Variants in SGMS1 observed in about 807,000 individuals in gnomAD.
SGMS1 encodes the protein sphingomyelin synthase 1, also known as phosphatidylcholine:ceramide cholinephosphotransferase 1.
In SGMS1, 13 loss-of-function variants were observed where a neutral mutation model predicts 46.2. That is an observed-to-expected ratio of 0.28 (90% CI 0.18 to 0.45). SGMS1 has a LOEUF of 0.45. Among genes scored for constraint, SGMS1 ranks in the 20% least tolerant of loss-of-function variants. The pLI is 1.00. For missense variants in SGMS1, 324 were observed against 519.9 expected (o/e 0.62, Z 3.66); for synonymous variants, 203 against 187.8 (o/e 1.08, Z -0.66).
chr10:50,365,255 C>CAAAAGAAAAAAAAAAAAAAAAAAAAA, intron 6 of SGMS1, among the ~76,000 whole-genome samples: 1 of 45,028 alleles, frequency 2.2e-5, no homozygotes, highest in Middle Eastern at 0.021. Context: ...TCCATCTCAC[C>CAAAAGAAAAAAAAAAAAAAAAAAAAA]AAAAAAAAAA....
At chr10:50,609,741 T>C (rs774629324) in intron 1 of SGMS1, among the ~76,000 whole-genome samples, 6 of 152,134 alleles carry the variant, frequency 3.9e-5, no homozygotes, top group Admixed American at 6.5e-5. Flanking sequence ...CTTGATTATT[T>C]CTTAAAATAA....
chr10:50,567,129 T>C (rs990027084), intron 2 of SGMS1, among the ~76,000 whole-genome samples: 2 of 152,204 alleles, frequency 1.3e-5, no homozygotes, highest in African/African-American at 4.8e-5. Context: ...GTATTTTTAC[T>C]AGAGACGGGG....
At chr10:50,529,923 C>G (rs564822178) in intron 2 of SGMS1, among the ~76,000 whole-genome samples, 137 of 152,260 alleles carry the variant, frequency 9.0e-4, no homozygotes, top group Non-Finnish European at 1.6e-3. Context: ...AAATCCCACA[C>G]CATAAAAGAG....
chr10:50,470,830 C>T (rs899376833), intron 3 of SGMS1, among the ~76,000 whole-genome samples: 1 of 152,106 alleles, frequency 6.6e-6, no homozygotes, highest in Non-Finnish European at 1.5e-5. Flanking sequence ...AAAGACCATC[C>T]ATTAACTACC....
chr10:50,474,424 C>A (rs924177424), intron 3 of SGMS1, among the ~76,000 whole-genome samples: 2 of 152,040 alleles, frequency 1.3e-5, no homozygotes, highest in African/African-American at 4.8e-5. Context: ...TCTCTAAGTT[C>A]TCTTGCATGG....
chr10:50,602,512 G>A (rs531482666), intron 1 of SGMS1, among the ~76,000 whole-genome samples: 1 of 152,262 alleles, frequency 6.6e-6, no homozygotes, highest in South Asian at 2.1e-4. Flanking sequence ...GGAGAAGAAG[G>A]CTACTGGAGA....
intron 8 of SGMS1, among the ~76,000 whole-genome samples, chr10:50,317,430 T>C (rs994093819): frequency 8.5e-5 from 13 of 152,218 alleles, no homozygotes; most frequent in African/African-American, 2.7e-4. Context: ...GTTGTTACTA[T>C]GCCCATTTAA....
chr10:50,606,233 A>C (rs1002395956), intron 1 of SGMS1, among the ~76,000 whole-genome samples: 2 of 152,258 alleles, frequency 1.3e-5, no homozygotes, highest in Admixed American at 6.5e-5. Context: ...GCCAAATACT[A>C]AATAGTTCCA....
chr10:50,469,013 A>C (rs1035935977), intron 3 of SGMS1, among the ~76,000 whole-genome samples: 2 of 152,278 alleles, frequency 1.3e-5, no homozygotes, highest in Middle Eastern at 6.8e-3. Flanking sequence ...AGAATCCCCA[A>C]CTTAACCAGA....
chr10:50,406,704 C>CTTTTTTTTTT (rs11424535), intron 6 of SGMS1, among the ~76,000 whole-genome samples: 8 of 145,034 alleles, frequency 5.5e-5, no homozygotes, highest in Non-Finnish European at 7.5e-5. Context: ...AGCTATAATT[C>CTTTTTTTTTT]TTTTTTTTTT....
chr10:50,501,346 A>C (rs1837659803), intron 3 of SGMS1, among the ~76,000 whole-genome samples: 1 of 152,228 alleles, frequency 6.6e-6, no homozygotes, highest in Non-Finnish European at 1.5e-5. Flanking sequence ...GTTCACAATT[A>C]TCTAAAACTT....
intron 5 of SGMS1, among the ~76,000 whole-genome samples, chr10:50,434,846 T>C (rs1849454363): frequency 7.0e-6 from 1 of 142,124 alleles, no homozygotes; most frequent in Non-Finnish European, 1.5e-5. Flanking sequence ...ATCACGCCAC[T>C]GCACTCCAAC....
chr10:50,355,118 A>G (rs544160860), intron 6 of SGMS1, among the ~76,000 whole-genome samples: 14 of 152,368 alleles, frequency 9.2e-5, no homozygotes, highest in African/African-American at 2.9e-4. Context: ...ATTATAAGTC[A>G]TGCTGCTATA....
chr10:50,322,807 C>T (rs1362715953), intron 8 of SGMS1, among the ~76,000 whole-genome samples: 1 of 142,070 alleles, frequency 7.0e-6, no homozygotes, highest in Non-Finnish European at 1.5e-5. Flanking sequence ...AGTCCGCAGT[C>T]CGGCCTGGGC....
intron 6 of SGMS1, among the ~76,000 whole-genome samples, chr10:50,378,402 C>G (rs1176490700): frequency 6.6e-6 from 1 of 152,178 alleles, no homozygotes; most frequent in African/African-American, 2.4e-5. Context: ...AAAATTTTAA[C>G]TTTGATTGCA....
chr10:50,483,235 A>G (rs769233040), intron 3 of SGMS1, among the ~76,000 whole-genome samples: 23 of 152,204 alleles, frequency 1.5e-4, no homozygotes, highest in Non-Finnish European at 2.9e-4. Flanking sequence ...ATGCACCACC[A>G]TACTTGGCTA....
chr10:50,458,811 G>A (rs576631162), intron 5 of SGMS1, among the ~76,000 whole-genome samples: 2 of 152,134 alleles, frequency 1.3e-5, no homozygotes, highest in African/African-American at 2.4e-5. Context: ...CTAATTTAAT[G>A]AGAACATTCT....
chr10:50,385,836 T>C (rs1007512308), intron 6 of SGMS1, among the ~76,000 whole-genome samples: 8 of 152,166 alleles, frequency 5.3e-5, no homozygotes, highest in Admixed American at 4.6e-4. Flanking sequence ...CAAAAGGCAT[T>C]CATGCTTGAT....
At chr10:50,547,736 CA>C (rs1355645837) in intron 2 of SGMS1, among the ~76,000 whole-genome samples, 1 of 151,924 alleles carries the variant, frequency 6.6e-6, no homozygotes, top group African/African-American at 2.4e-5. Context: ...AGAGATACAA[CA>C]AAAAAAGAAA....
Sources: allele counts gnomAD v4.1 joint callset (sites outside exome capture counted in the v4.1 genomes callset), GRCh38; gene constraint gnomAD v4.1.1; transcripts MANE v1.5; gene names NCBI Gene and HGNC (gene_info 2026-07-23, HGNC 2026-07-21).